The following CCDC172 variants were observed in gnomAD, a reference collection of about 807,000 sequenced individuals.
CCDC172 encodes coiled-coil domain containing 172.
Under a neutral mutation model 38.0 loss-of-function variants are expected in CCDC172, and 30 were observed. That is an observed-to-expected ratio of 0.79 (90% CI 0.59 to 1.07). CCDC172 has a LOEUF of 1.07. Ranked by LOEUF, CCDC172 falls within the 50% of genes least tolerant of loss-of-function variation. CCDC172 has a pLI of 0.00. For missense variants in CCDC172, 297 were observed against 290.1 expected, an observed-to-expected ratio of 1.02 and a Z score of -0.17; for synonymous variants, 78 against 88.3, an observed-to-expected ratio of 0.88 and a Z score of 0.66.
chr10:116,365,250 T>G (rs1389920054), intron 7 of CCDC172, among the ~76,000 whole-genome samples: 1 of 152,182 alleles, frequency 6.6e-6, no homozygotes, highest in African/African-American at 2.4e-5. Flanking sequence ...CTTGATTATA[T>G]GCTAAATAGG....
intron 3 of CCDC172, among the ~76,000 whole-genome samples, chr10:116,332,911 C>A (rs1844682882): frequency 6.6e-6 from 1 of 152,048 alleles, no homozygotes; most frequent in African/African-American, 2.4e-5. Flanking sequence ...ATCCCTAATT[C>A]TATTTTTTGC....
intron 7 of CCDC172, among the ~76,000 whole-genome samples, chr10:116,369,203 C>CTCAAGTG (rs1300006403): frequency 2.6e-5 from 4 of 151,876 alleles, no homozygotes; most frequent in Admixed American, 2.6e-4. Flanking sequence ...TTTCGTCTAA[C>CTCAAGTG]TTTAGGGCTC....
chr10:116,332,834 G>C (rs1241162543), intron 3 of CCDC172, among the ~76,000 whole-genome samples: 2 of 151,664 alleles, frequency 1.3e-5, no homozygotes, highest in Non-Finnish European at 2.9e-5. Context: ...TTATAATTTA[G>C]AAGAGCTTTA....
Position 116,350,844 on chromosome 10 carries a change from C to T in CCDC172, c.449-6536C>T, listed in dbSNP as rs11197634. Reference sequence around the variant, plus strand: ...GATTAGAACATTGTGGGTTTTAGGCCGTGGAAGAAATTAAAAAGTGATTGC... The same window carrying T: ...GATTAGAACATTGTGGGTTTTAGGCTGTGGAAGAAATTAAAAAGTGATTGC... On this transcript the variant is annotated intron_variant, in intron 5 of 8. Coordinates refer to ENST00000333254, the MANE Select transcript of CCDC172 (RefSeq NM_198515.3). Among the ~76,000 whole-genome samples the T allele has an allele frequency of 2.1e-3, 324 of 151,836 alleles. 9 individuals carry two copies. In the East Asian group the frequency reaches 0.051, roughly 24 times the overall value.
intron 5 of CCDC172, among the ~76,000 whole-genome samples, chr10:116,355,865 T>C (rs751820677): frequency 1.3e-4 from 19 of 151,964 alleles, no homozygotes; most frequent in South Asian, 4.2e-4. Flanking sequence ...GTTTCTTTGG[T>C]GGGGGGAGTG....
chr10:116,374,479 C>CT (rs1350141541), intron 7 of CCDC172, among the ~76,000 whole-genome samples: 1 of 145,572 alleles, frequency 6.9e-6, no homozygotes, highest in Non-Finnish European at 1.5e-5. Context: ...ATAAATTAAA[C>CT]TTTATCATAG....
intron 3 of CCDC172, among the ~76,000 whole-genome samples, chr10:116,335,130 A>T (rs11812776): frequency 0.083 from 12,611 of 152,012 alleles, 693 homozygotes; most frequent in East Asian, 0.21. Flanking sequence ...TTCCGAATCC[A>T]TTCTAGGCTT....
chr10:116,367,621 C>T (rs1267683132), intron 7 of CCDC172, among the ~76,000 whole-genome samples: 2 of 151,330 alleles, frequency 1.3e-5, no homozygotes, highest in Non-Finnish European at 2.9e-5. Flanking sequence ...ACCCAGGAGG[C>T]AGAGCTTGCA....
chr10:116,368,961 T>C (rs1261714862), intron 7 of CCDC172, among the ~76,000 whole-genome samples: 1 of 151,490 alleles, frequency 6.6e-6, no homozygotes, highest in African/African-American at 2.4e-5. Context: ...CCTACAAATA[T>C]CACAAAATAA....
chr10:116,338,284 AC>A (rs1476236811), intron 3 of CCDC172, among the ~76,000 whole-genome samples: 1 of 152,014 alleles, frequency 6.6e-6, no homozygotes, highest in Non-Finnish European at 1.5e-5. Flanking sequence ...ACATTTTTTA[AC>A]CATAGATCCT....
At chr10:116,359,628 G>A (rs1034108821) in intron 7 of CCDC172, among the ~76,000 whole-genome samples, 1 of 152,116 alleles carries the variant, frequency 6.6e-6, no homozygotes, top group Admixed American at 6.6e-5. Context: ...CAAAATGTCC[G>A]CTGGGGAAGG....
intron 8 of CCDC172, 146 bp downstream of exon 8, chr10:116,378,656 G>A: frequency 1.6e-6 from 1 of 644,808 alleles, no homozygotes; most frequent in Non-Finnish European, 2.6e-6. Flanking sequence ...ACTAGGATCA[G>A]GATGTAAATC....
intron 7 of CCDC172, among the ~76,000 whole-genome samples, chr10:116,376,540 T>A (rs1419891507): frequency 6.6e-6 from 1 of 152,214 alleles, no homozygotes; most frequent in East Asian, 1.9e-4. Flanking sequence ...CCACATTAAA[T>A]ACAGGTATAA....
chr10:116,329,740 T>C (rs1844635244), intron 3 of CCDC172, among the ~76,000 whole-genome samples: 2 of 152,186 alleles, frequency 1.3e-5, no homozygotes, highest in Admixed American at 1.3e-4. Context: ...GTAAAACTCT[T>C]AGCACCTTAA....
At chr10:116,347,261 A>G (rs1283648864) in intron 5 of CCDC172, among the ~76,000 whole-genome samples, 1 of 152,158 alleles carries the variant, frequency 6.6e-6, no homozygotes, top group Non-Finnish European at 1.5e-5. Flanking sequence ...AGAACACGTT[A>G]CTGAGTGGAG....
At chr10:116,374,418 G>C (rs1454313122) in intron 7 of CCDC172, among the ~76,000 whole-genome samples, 1 of 151,848 alleles carries the variant, frequency 6.6e-6, no homozygotes, top group South Asian at 2.1e-4. Context: ...TGTCATAATT[G>C]TTCTATTTTA....
chr10:116,367,654 C>CT (rs1845139846), intron 7 of CCDC172, among the ~76,000 whole-genome samples: 1 of 151,716 alleles, frequency 6.6e-6, no homozygotes, highest in African/African-American at 2.4e-5. Flanking sequence ...GAGCGAGACT[C>CT]TGTCTCAAAA....
At chr10:116,333,905 A>G (rs17094542) in intron 3 of CCDC172, among the ~76,000 whole-genome samples, 14,215 of 152,198 alleles carry the variant, frequency 0.093, 906 homozygotes, top group East Asian at 0.22. Flanking sequence ...TTACAGCTGT[A>G]CCTGTGATCT....
intron 5 of CCDC172, among the ~76,000 whole-genome samples, chr10:116,356,889 T>A (rs1159066924): frequency 6.6e-6 from 1 of 152,128 alleles, no homozygotes; most frequent in Non-Finnish European, 1.5e-5. Flanking sequence ...TCTACTAACT[T>A]ATCCTTTTGT....
Sources: allele counts gnomAD v4.1 joint callset (sites outside exome capture counted in the v4.1 genomes callset), GRCh38; gene constraint gnomAD v4.1.1; transcripts MANE v1.5; gene names NCBI Gene and HGNC (gene_info 2026-07-23, HGNC 2026-07-21).